SORCS3: variants seen among roughly 807,000 people sequenced by gnomAD.
SORCS3 encodes sortilin related VPS10 domain containing receptor 3.
In SORCS3, 57 loss-of-function variants were observed where a neutral mutation model predicts 146.3. The observed-to-expected ratio is 0.39, with a 90% CI of 0.31 to 0.49. The LOEUF is 0.49. SORCS3 is among the 20% of genes least tolerant of loss of function. The pLI is 0.92. For missense variants in SORCS3, 1,341 were observed against 1,575.5 expected, an observed-to-expected ratio of 0.85 and a Z score of 2.52; for synonymous variants, 653 against 618.5, an observed-to-expected ratio of 1.06 and a Z score of -0.83.
intron 1 of SORCS3, among the ~76,000 whole-genome samples, chr10:104,686,329 G>A (rs2133269831): frequency 6.6e-6 from 1 of 152,188 alleles, no homozygotes; most frequent in East Asian, 1.9e-4. Flanking sequence ...GAGCAGTGGT[G>A]ACCAGCTGGG....
intron 2 of SORCS3, among the ~76,000 whole-genome samples, chr10:104,887,965 G>A (rs1183694047): frequency 1.6e-5 from 2 of 126,882 alleles, no homozygotes; most frequent in Non-Finnish European, 3.2e-5. Context: ...GGGGCGGGGG[G>A]GCGGGGGCGG....
At chr10:104,971,193 C>T (rs1429795129) in intron 3 of SORCS3, among the ~76,000 whole-genome samples, 1 of 152,156 alleles carries the variant, frequency 6.6e-6, no homozygotes, top group Non-Finnish European at 1.5e-5. Context: ...GAGAGAATGT[C>T]AGAATCAGAT....
At chr10:104,823,594 C>T (rs2017900599) in intron 1 of SORCS3, among the ~76,000 whole-genome samples, 1 of 152,166 alleles carries the variant, frequency 6.6e-6, no homozygotes, top group Admixed American at 6.5e-5. Context: ...CTTCATACTC[C>T]TGGCCATTTC....
At chr10:105,039,758 C>T (rs888280213) in intron 4 of SORCS3, among the ~76,000 whole-genome samples, 3 of 152,034 alleles carry the variant, frequency 2.0e-5, no homozygotes, top group Non-Finnish European at 2.9e-5. Flanking sequence ...CCCAGGTTCT[C>T]GCTCTCTTTA....
chr10:104,835,354 T>G (rs906698458), intron 1 of SORCS3, among the ~76,000 whole-genome samples: 2 of 152,142 alleles, frequency 1.3e-5, no homozygotes, highest in African/African-American at 4.8e-5. Flanking sequence ...TGAGTCCTAT[T>G]CCACTTGGCT....
intron 20 of SORCS3, among the ~76,000 whole-genome samples, chr10:105,242,175 A>G (rs1238536672): frequency 1.3e-5 from 2 of 149,524 alleles, no homozygotes; most frequent in African/African-American, 4.9e-5. Context: ...ACCATTTTAC[A>G]TTTCCACCAA....
At chr10:105,226,151 A>G (rs769187452) in intron 20 of SORCS3, among the ~76,000 whole-genome samples, 1 of 151,944 alleles carries the variant, frequency 6.6e-6, no homozygotes, top group Non-Finnish European at 1.5e-5. Flanking sequence ...CTTTAAAGGA[A>G]AGGCTTTCAA....
intron 1 of SORCS3, among the ~76,000 whole-genome samples, chr10:104,834,957 T>TA (rs535624623): frequency 3.2e-4 from 47 of 147,684 alleles, no homozygotes; most frequent in East Asian, 5.9e-4. Context: ...AATGCTCCCT[T>TA]AAAAAAAAAA....
At chr10:104,984,461 C>G (rs2054950522) in intron 4 of SORCS3, among the ~76,000 whole-genome samples, 1 of 151,992 alleles carries the variant, frequency 6.6e-6, no homozygotes, top group African/African-American at 2.4e-5. Flanking sequence ...CAATATATAT[C>G]AGAAAACATA....
intron 3 of SORCS3, among the ~76,000 whole-genome samples, chr10:104,935,760 GT>G (rs1401312149): frequency 6.7e-6 from 1 of 148,374 alleles, no homozygotes; most frequent in Non-Finnish European, 1.5e-5. Context: ...GTTGGGGAGG[GT>G]TTTCTGGGCA....
At chr10:104,738,201 G>A (rs1011523941) in intron 1 of SORCS3, among the ~76,000 whole-genome samples, 37 of 152,200 alleles carry the variant, frequency 2.4e-4, no homozygotes, top group Non-Finnish European at 1.8e-4. Context: ...AGCCTGATGT[G>A]ACCGGCTTTG....
chr10:104,934,090 C>T (rs1589555510), intron 3 of SORCS3, among the ~76,000 whole-genome samples: 1 of 152,162 alleles, frequency 6.6e-6, no homozygotes, highest in Non-Finnish European at 1.5e-5. Context: ...CTGTGCCCGG[C>T]CTTCCCTCCT....
chr10:104,805,776 A>G (rs2017673537), intron 1 of SORCS3, among the ~76,000 whole-genome samples: 1 of 152,050 alleles, frequency 6.6e-6, no homozygotes, highest in African/African-American at 2.4e-5. Context: ...CATGTTCTTC[A>G]TGCTTCAGTT....
intron 2 of SORCS3, among the ~76,000 whole-genome samples, chr10:104,879,611 A>C (rs1406786003): frequency 6.6e-6 from 1 of 152,192 alleles, no homozygotes; most frequent in Non-Finnish European, 1.5e-5. Flanking sequence ...CTAATGAAAA[A>C]GATGGTGGGG....
At chr10:105,038,433 T>A (rs2055319494) in intron 4 of SORCS3, among the ~76,000 whole-genome samples, 1 of 152,186 alleles carries the variant, frequency 6.6e-6, no homozygotes, top group African/African-American at 2.4e-5. Context: ...TCAATATTGC[T>A]TTATCTAATT....
At chr10:105,221,331 G>GAAT (rs1305339374) in intron 19 of SORCS3, among the ~76,000 whole-genome samples, 1 of 152,136 alleles carries the variant, frequency 6.6e-6, no homozygotes, top group Non-Finnish European at 1.5e-5. Flanking sequence ...AGACTCAGGA[G>GAAT]AATGCTCACT....
At chr10:104,917,269 T>C (rs2019040329) in intron 3 of SORCS3, among the ~76,000 whole-genome samples, 1 of 152,218 alleles carries the variant, frequency 6.6e-6, no homozygotes, top group Non-Finnish European at 1.5e-5. Flanking sequence ...CATCTTTCAG[T>C]ATCATTATTT....
chr10:104,950,672 AG>A (rs2019419397), intron 3 of SORCS3, among the ~76,000 whole-genome samples: 2 of 152,192 alleles, frequency 1.3e-5, no homozygotes, highest in Admixed American at 6.5e-5. Context: ...CTTGGGGAAA[AG>A]CCACACTTTC....
At chr10:105,042,961 G>T in intron 4 of SORCS3, 94 bp from the exon 5 acceptor site, 1 of 1,009,812 alleles carries the variant, frequency 9.9e-7, no homozygotes, top group Admixed American at 1.8e-5. Context: ...GGTGTGTTGG[G>T]CACTCTGGTG....
Sources: allele counts gnomAD v4.1 joint callset (sites outside exome capture counted in the v4.1 genomes callset), GRCh38; gene constraint gnomAD v4.1.1; transcripts MANE v1.5; gene names NCBI Gene and HGNC (gene_info 2026-07-23, HGNC 2026-07-21).